Variants in LRFN2 observed in about 807,000 individuals in gnomAD.
LRFN2 encodes the protein leucine-rich repeat and fibronectin type-III domain-containing protein 2.
In LRFN2, 18 loss-of-function variants were observed where a neutral mutation model predicts 37.3. That is an observed-to-expected ratio of 0.48 (90% confidence interval 0.33 to 0.72). The LOEUF (loss-of-function observed/expected upper bound fraction) is 0.72, where lower values mean the gene tolerates loss of function less well. Ranked by LOEUF, LRFN2 falls within the 30% of genes least tolerant of loss-of-function variation. The probability of loss-of-function intolerance (pLI) is 0.02; values close to 1 mark genes in which losing one functional copy is unlikely to be tolerated. For synonymous variants in LRFN2, 556 were observed against 466.6 expected, an observed-to-expected ratio of 1.19 and a Z score of -2.47; for missense variants, 1,006 against 1,060.7, an observed-to-expected ratio of 0.95 and a Z score of 0.72.
At chr6:40,472,811 C>A (rs139453856) in intron 1 of LRFN2, among the ~76,000 whole-genome samples, 19 of 152,282 alleles carry the variant, frequency 1.2e-4, no homozygotes, top group African/African-American at 4.6e-4. Flanking sequence ...CATGTAGGCA[C>A]CATGTCATTC....
intron 1 of LRFN2, among the ~76,000 whole-genome samples, chr6:40,538,129 A>T (rs961849609): frequency 3.9e-5 from 6 of 152,192 alleles, no homozygotes; most frequent in Non-Finnish European, 5.9e-5. Flanking sequence ...GAGAAAGGGT[A>T]AAGGGAGAAA....
At chr6:40,447,137 G>T (rs187186136) in intron 1 of LRFN2, among the ~76,000 whole-genome samples, 2 of 150,666 alleles carry the variant, frequency 1.3e-5, no homozygotes, top group East Asian at 2.0e-4. Flanking sequence ...CTGTGTCTCC[G>T]CTCAGACTGG....
chr6:40,406,589 A>G (rs1762853397), intron 2 of LRFN2, among the ~76,000 whole-genome samples: 1 of 152,170 alleles, frequency 6.6e-6, no homozygotes, highest in Non-Finnish European at 1.5e-5. Flanking sequence ...CCTGGCTGTC[A>G]GCACCCTCTG....
chr6:40,418,069 G>A (rs1295840465), intron 2 of LRFN2, among the ~76,000 whole-genome samples: 2 of 152,060 alleles, frequency 1.3e-5, no homozygotes, highest in African/African-American at 2.4e-5. Context: ...GATAAAATCC[G>A]AGGCCTCATC....
intron 1 of LRFN2, among the ~76,000 whole-genome samples, chr6:40,435,897 C>T (rs1046403727): frequency 1.4e-4 from 21 of 152,128 alleles, no homozygotes; most frequent in Non-Finnish European, 2.9e-5. Context: ...TATTGCGCCT[C>T]TTTAAGGGTA....
chr6:40,510,907 A>G (rs1254511611), intron 1 of LRFN2, among the ~76,000 whole-genome samples: 2 of 152,180 alleles, frequency 1.3e-5, no homozygotes, highest in Admixed American at 1.3e-4. Context: ...CCCTAGGCCA[A>G]TGCTGGAGGG....
chr6:40,579,929 G>T (rs185181334), intron 1 of LRFN2, among the ~76,000 whole-genome samples: 4,028 of 152,280 alleles, frequency 0.026, 90 homozygotes, highest in Admixed American at 0.039. Context: ...GGGTGAAGAT[G>T]GATGGGATTG....
rs1238606654 is a variant in LRFN2, at chr6:40,442,271, ATG to A, written c.-18-9142_-18-9141del. ...AAACTCATTTCCATTTGGCTGGAGAATGTTCACTCTATGATTTACTCTCCTCA... is the reference window on the plus strand; with the variant it reads ...AAACTCATTTCCATTTGGCTGGAGAATTCACTCTATGATTTACTCTCCTCA... On this transcript the variant is annotated intron_variant, in intron 1 of 2. Transcript: ENST00000338305. Among the ~76,000 whole-genome samples the A allele has an allele frequency of 2.6e-5, 4 of 152,318 alleles. No individual in the cohort carries two copies. The East Asian group carries it at 7.7e-4, about 29-fold the overall frequency.
intron 2 of LRFN2, among the ~76,000 whole-genome samples, chr6:40,424,359 C>G (rs999150511): frequency 6.6e-6 from 1 of 152,300 alleles, no homozygotes; most frequent in Middle Eastern, 3.4e-3. Context: ...AAGTCTCCAG[C>G]CTTAATAAAA....
intron 2 of LRFN2, among the ~76,000 whole-genome samples, chr6:40,426,070 G>C (rs1464420296): frequency 6.6e-6 from 1 of 152,076 alleles, no homozygotes; most frequent in African/African-American, 2.4e-5. Flanking sequence ...CAAGATTTTT[G>C]TCTCTGACCC....
chr6:40,450,991 A>T (rs1484809142), intron 1 of LRFN2, among the ~76,000 whole-genome samples: 2 of 152,214 alleles, frequency 1.3e-5, no homozygotes, highest in African/African-American at 2.4e-5. Context: ...CACTCACCTC[A>T]AAGACACCAT....
chr6:40,475,099 AG>A (rs1764680979), intron 1 of LRFN2, among the ~76,000 whole-genome samples: 1 of 152,190 alleles, frequency 6.6e-6, no homozygotes, highest in Non-Finnish European at 1.5e-5. Context: ...AGGAGCCTCC[AG>A]GGGTCAGTAT....
chr6:40,414,910 G>C (rs987164719), intron 2 of LRFN2, among the ~76,000 whole-genome samples: 4 of 152,198 alleles, frequency 2.6e-5, no homozygotes, highest in Admixed American at 2.0e-4. Flanking sequence ...GGGGTACTCT[G>C]TGTGGGAGTT....
chr6:40,562,831 TCA>T (rs71543995), intron 1 of LRFN2, among the ~76,000 whole-genome samples: 1 of 144,048 alleles, frequency 6.9e-6, no homozygotes, highest in African/African-American at 2.7e-5. Flanking sequence ...GTGCGTGCAC[TCA>T]CTCACACACA....
At chr6:40,577,846 A>T (rs1332768693) in intron 1 of LRFN2, among the ~76,000 whole-genome samples, 5 of 151,772 alleles carry the variant, frequency 3.3e-5, no homozygotes, top group Non-Finnish European at 5.9e-5. Context: ...AAAATAAAAG[A>T]TCCAGGAGGG....
At chr6:40,524,380 T>G (rs1457766727) in intron 1 of LRFN2, among the ~76,000 whole-genome samples, 2 of 148,406 alleles carry the variant, frequency 1.3e-5, no homozygotes, top group East Asian at 4.0e-4. Context: ...GACTTACTGC[T>G]TCCCCACCCC....
intron 1 of LRFN2, among the ~76,000 whole-genome samples, chr6:40,475,394 T>C (rs1764687162): frequency 6.6e-6 from 1 of 151,738 alleles, no homozygotes; most frequent in Non-Finnish European, 1.5e-5. Context: ...AAGCACCGTC[T>C]GTATGATGCT....
At position 40,551,484 on chromosome 6, in the gene LRFN2, A is replaced by G. The variant is rs116665597; in HGVS notation, c.-19+35457T>C. ...GACTTTTCAAATACATGAACCAAAT[A>G]AATACCCTTGATCGTTTCAACTAGT... On this transcript the variant is annotated intron_variant, in intron 1 of 2. Coordinates refer to ENST00000338305, the MANE Select transcript of LRFN2 (RefSeq NM_020737.3). Among the ~76,000 whole-genome samples the G allele has an allele frequency of 5.1e-3, 777 of 152,320 alleles. 5 individuals are homozygous for G. The highest frequency in any genetic ancestry group is 8.7e-3 in the Non-Finnish European group (592 of 68,036).
intron 1 of LRFN2, among the ~76,000 whole-genome samples, chr6:40,501,066 G>A (rs189136453): frequency 1.2e-3 from 185 of 151,428 alleles, no homozygotes; most frequent in African/African-American, 4.3e-3. Context: ...AACATCATGG[G>A]TAAATAAATG....
Sources: gnomAD v4.1 joint callset for allele counts (sites outside exome capture counted in the v4.1 genomes callset) on GRCh38, gnomAD v4.1.1 for gene constraint, MANE v1.5 for transcripts, NCBI Gene and HGNC (gene_info 2026-07-23, HGNC 2026-07-21) for gene names.